Variants in AGPAT3 observed in about 807,000 individuals in gnomAD.
AGPAT3 encodes the protein 1-acylglycerol-3-phosphate O-acyltransferase 3, also known as 1-acyl-sn-glycerol-3-phosphate acyltransferase gamma.
A neutral mutation model predicts 47.3 loss-of-function variants in AGPAT3; 5 were observed. That is an observed-to-expected ratio of 0.11 (90% CI 0.06 to 0.22). The LOEUF is 0.22. AGPAT3 is among the 10% of genes least tolerant of loss of function. The pLI is 1.00. For missense variants in AGPAT3, 315 were observed against 493.0 expected, an observed-to-expected ratio of 0.64 and a Z score of 3.42; for synonymous variants, 212 against 208.3, an observed-to-expected ratio of 1.02 and a Z score of -0.15.
At chr21:43,874,328 G>C (rs1266004960) in intron 1 of AGPAT3, among the ~76,000 whole-genome samples, 3 of 152,244 alleles carry the variant, frequency 2.0e-5, no homozygotes, top group African/African-American at 7.2e-5. Flanking sequence ...GCCCGGTCCT[G>C]TCATAAGCAT....
In AGPAT3 at chr21:43,987,294, A is replaced by G. The variant is rs2030389309; in HGVS notation, c.*4902A>G. ...CCTTGGAGGCCATCCTGCCGATGGC[A>G]CTTTTCAAGGCCCTCCCTTCCCTAC... On this transcript the variant is annotated 3_prime_UTR_variant, in exon 10 of 10. Transcript: ENST00000291572. Among the ~76,000 whole-genome samples the G allele has an allele frequency of 2.0e-5, 3 of 152,110 alleles. No individual in the cohort carries two copies. The highest frequency in any genetic ancestry group is 4.4e-5 in the Non-Finnish European group (3 of 68,002).
At chr21:43,926,239 T>C (rs2087047751) in intron 2 of AGPAT3, among the ~76,000 whole-genome samples, 2 of 152,214 alleles carry the variant, frequency 1.3e-5, no homozygotes, top group Non-Finnish European at 2.9e-5. Flanking sequence ...CTCCAGCTCC[T>C]CAGCCCTGTC....
At chr21:43,924,269 C>A (rs942058081) in intron 2 of AGPAT3, among the ~76,000 whole-genome samples, 13 of 152,036 alleles carry the variant, frequency 8.6e-5, no homozygotes, top group African/African-American at 3.1e-4. Flanking sequence ...TCGTGACCCG[C>A]CCGCCTCGGC....
chr21:43,980,275 C>CAAAAA (rs1223637093), intron 8 of AGPAT3, among the ~76,000 whole-genome samples: 9 of 54,622 alleles, frequency 1.6e-4, no homozygotes, highest in South Asian at 5.9e-4. Context: ...GACTCCATCT[C>CAAAAA]AAAAAAAAAA....
intron 1 of AGPAT3, among the ~76,000 whole-genome samples, chr21:43,903,407 G>A (rs1569055311): frequency 6.6e-6 from 1 of 152,206 alleles, no homozygotes; most frequent in Non-Finnish European, 1.5e-5. Context: ...TTATGTTAGT[G>A]GACGTCACCA....
rs1478812570 is a variant in AGPAT3 at position 43,932,870 on chromosome 21, G to A, written c.-48-26764G>A. ...TCACCATGTTGGCCAGACTGGTCTCGAACTCCTGACCTCAAGTGATCCACC... is the reference window on the plus strand; with the variant it reads ...TCACCATGTTGGCCAGACTGGTCTCAAACTCCTGACCTCAAGTGATCCACC... On this transcript the variant is annotated intron_variant, in intron 2 of 9. Coordinates refer to ENST00000291572, the MANE Select transcript of AGPAT3 (RefSeq NM_020132.5). This position sits in a 1 kb window ranked among gnomAD's most constrained non-coding sequence, Gnocchi z 5.2. 6.6e-6 allele frequency among the ~76,000 whole-genome samples: 1 copy of A among 152,124 alleles called. No individual in the cohort carries two copies. The highest frequency in any genetic ancestry group is 2.4e-5 in the African/African-American group (1 of 41,424).
intron 2 of AGPAT3, among the ~76,000 whole-genome samples, chr21:43,940,216 C>T (rs906056054): frequency 1.3e-5 from 2 of 152,254 alleles, no homozygotes; most frequent in African/African-American, 4.8e-5. Context: ...TCCTTCTCGC[C>T]GGCTTCAGGC....
intron 1 of AGPAT3, among the ~76,000 whole-genome samples, chr21:43,900,457 G>C (rs995077582): frequency 6.6e-5 from 10 of 152,162 alleles, no homozygotes; most frequent in Non-Finnish European, 1.5e-4. Context: ...GTAGCCCAGC[G>C]TGTCACCTGC....
Position 43,955,041 on chromosome 21 carries a change from G to A in AGPAT3, c.-48-4593G>A, listed in dbSNP as rs961202297. On this transcript the variant is annotated intron_variant, in intron 2 of 9. Coordinates refer to ENST00000291572, the MANE Select transcript of AGPAT3 (RefSeq NM_020132.5). The surrounding 1 kb of genome is among the most constrained non-coding windows in gnomAD (Gnocchi z 4.1). ...AGGCTGGGACGTGAATGTGCATCAC[G>A]GCTCTATCTGTGGCCCCCAAAGGCT... 1.4e-5 allele frequency: 17 copies of A among 1,199,450 alleles called. No individual in the cohort carries two copies. In the South Asian group the frequency reaches 1.4e-4, roughly 10 times the overall value. The allele number at this position is 1,199,450 out of a possible 1,614,324, so 74.3% of individuals were successfully genotyped here. A position where few individuals can be genotyped will look rare whatever the true frequency, so the allele number is the denominator to read the frequency against.
At chr21:43,972,067 C>T (rs1264302088) in intron 7 of AGPAT3, among the ~76,000 whole-genome samples, 9 of 152,198 alleles carry the variant, frequency 5.9e-5, no homozygotes, top group Non-Finnish European at 4.4e-5. Flanking sequence ...TCTGCTGGCC[C>T]TGGTGATGGC....
rs867594845 is a variant in AGPAT3 at position 43,934,497 on chromosome 21, A to G, written c.-48-25137A>G. ...TCCACTAGGATGTTATACAGGCAGC[A>G]TGGCTTAGGTGTCAGAGACGGGAAA... On this transcript the variant is annotated intron_variant, in intron 2 of 9. Transcript: ENST00000291572. The surrounding 1 kb of genome is among the most constrained non-coding windows in gnomAD (Gnocchi z 4.7). Among the ~76,000 whole-genome samples, 1 of 152,372 alleles carries G rather than the reference A, an allele frequency of 6.6e-6. No homozygotes were observed. Among genetic ancestry groups the G allele is most frequent in the Middle Eastern group, 3.4e-3 (1 of 294 alleles).
At chr21:43,924,527 A>G (rs1016881216) in intron 2 of AGPAT3, among the ~76,000 whole-genome samples, 4 of 152,188 alleles carry the variant, frequency 2.6e-5, no homozygotes, top group Non-Finnish European at 5.9e-5. Flanking sequence ...CTTTGCAAGC[A>G]CTTTCACGAA....
At chr21:43,978,560 CG>C (rs2089711750) in intron 8 of AGPAT3, among the ~76,000 whole-genome samples, 1 of 152,244 alleles carries the variant, frequency 6.6e-6, no homozygotes, top group Admixed American at 6.5e-5. Context: ...CTTCTGGCCT[CG>C]GCCTCCCAAA....
intron 1 of AGPAT3, among the ~76,000 whole-genome samples, chr21:43,896,949 T>G (rs1437813287): frequency 1.9e-4 from 27 of 142,128 alleles, no homozygotes; most frequent in African/African-American, 7.1e-4. Flanking sequence ...GTCCGTTTTT[T>G]TTTTTTTTTT....
intron 1 of AGPAT3, among the ~76,000 whole-genome samples, chr21:43,895,509 A>ATTTT: frequency 8.2e-6 from 1 of 122,246 alleles, no homozygotes; most frequent in South Asian, 2.6e-4. Flanking sequence ...TAGTGACAGG[A>ATTTT]TTTTTTTTTT....
In AGPAT3 at chr21:43,980,981, T is replaced by C. The variant is rs1484528669; in HGVS notation, c.844-8T>C. 2 of 1,611,748 alleles carry C rather than the reference T, an allele frequency of 1.2e-6. No individual in the cohort carries two copies. The highest frequency in any genetic ancestry group is 1.7e-6 in the Non-Finnish European group (2 of 1,178,086). On this transcript the variant is annotated splice_polypyrimidine_tract_variant and splice_region_variant and intron_variant, in intron 8 of 9. Transcript: ENST00000291572. Reference sequence around the variant, plus strand: ...TCACGCTTCCTTTTTCTCTGTTGACTCTTCTAGGACGCGCTCCAGGAGATA... The same window carrying C: ...TCACGCTTCCTTTTTCTCTGTTGACCCTTCTAGGACGCGCTCCAGGAGATA...
intron 2 of AGPAT3, among the ~76,000 whole-genome samples, chr21:43,924,026 G>T (rs748481539): frequency 3.1e-4 from 47 of 151,680 alleles, no homozygotes; most frequent in East Asian, 5.8e-4. Flanking sequence ...GTTTTTTTTG[G>T]TTTTTTTTGA....
intron 1 of AGPAT3, among the ~76,000 whole-genome samples, chr21:43,866,457 G>T: frequency 6.6e-6 from 1 of 152,086 alleles, no homozygotes; most frequent in East Asian, 1.9e-4. Flanking sequence ...TTGCAGGCGC[G>T]GCTGCTCCGA....
chr21:43,946,640 T>G (rs1449570496), intron 2 of AGPAT3, among the ~76,000 whole-genome samples: 2 of 152,132 alleles, frequency 1.3e-5, no homozygotes, highest in Non-Finnish European at 2.9e-5. Flanking sequence ...GATGACCAGT[T>G]TAATGAATAA....
Sources: gnomAD v4.1 joint callset for allele counts (sites outside exome capture counted in the v4.1 genomes callset) on GRCh38, gnomAD v4.1.1 for gene constraint, Gnocchi (gnomAD v3.1) non-coding constraint, MANE v1.5 for transcripts, NCBI Gene and HGNC (gene_info 2026-07-23, HGNC 2026-07-21) for gene names.